XKR4: variants seen among roughly 807,000 people sequenced by gnomAD.
XKR4 encodes the protein XK related 4, also known as XK-related protein 4.
In XKR4, 12 loss-of-function variants were observed where a neutral mutation model predicts 53.9. The ratio of observed to expected loss-of-function variants is 0.22; its 90% confidence interval spans 0.14 to 0.36. XKR4 has a LOEUF of 0.36. Among genes scored for constraint, XKR4 ranks in the 10% least tolerant of loss-of-function variants. The pLI, the probability that XKR4 is intolerant of heterozygous loss-of-function variation, is 1.00. For synonymous variants in XKR4, 354 were observed against 362.4 expected, an observed-to-expected ratio of 0.98 and a Z score of 0.26; for missense variants, 799 against 859.5, an observed-to-expected ratio of 0.93 and a Z score of 0.88.
At chr8:55,137,386 T>G (rs1816645781) in intron 1 of XKR4, among the ~76,000 whole-genome samples, 1 of 152,188 alleles carries the variant, frequency 6.6e-6, no homozygotes, top group African/African-American at 2.4e-5. Flanking sequence ...ATTGAGCACC[T>G]GCTGTGATCA....
At chr8:55,156,878 A>G (rs1816915458) in intron 1 of XKR4, among the ~76,000 whole-genome samples, 2 of 152,258 alleles carry the variant, frequency 1.3e-5, no homozygotes, top group South Asian at 2.1e-4. Flanking sequence ...AACTTTCTGC[A>G]TAAACAAGTC....
At chr8:55,432,191 T>C (rs976513620) in intron 2 of XKR4, among the ~76,000 whole-genome samples, 2 of 152,194 alleles carry the variant, frequency 1.3e-5, no homozygotes, top group African/African-American at 4.8e-5. Flanking sequence ...TTATTCACTG[T>C]TGCAATGTGT....
At chr8:55,146,986 G>A (rs866306105) in intron 1 of XKR4, among the ~76,000 whole-genome samples, 3 of 152,208 alleles carry the variant, frequency 2.0e-5, no homozygotes, top group Admixed American at 1.3e-4. Context: ...GGGAAGCCAT[G>A]CAATATCCAA....
chr8:55,462,351 A>G (rs1176357041), intron 2 of XKR4, among the ~76,000 whole-genome samples: 1 of 152,214 alleles, frequency 6.6e-6, no homozygotes, highest in East Asian at 1.9e-4. Context: ...TTTTCAACCC[A>G]GAATTTCATA....
chr8:55,293,930 G>C (rs1585992630), intron 1 of XKR4, among the ~76,000 whole-genome samples: 2 of 152,102 alleles, frequency 1.3e-5, no homozygotes, highest in East Asian at 3.9e-4. Context: ...GTTTATTCCA[G>C]TTACCATCAA....
rs192617225 is a variant in XKR4, at chr8:55,478,122, A to G, written c.1007-45159A>G. Reference sequence around the variant, plus strand: ...TAATTGTCAGATTCACCAAAGTTGAAGGAAAAAATGTTAAGGGCAGCCAGA... The same window carrying G: ...TAATTGTCAGATTCACCAAAGTTGAGGGAAAAAATGTTAAGGGCAGCCAGA... On this transcript the variant is annotated intron_variant, in intron 2 of 2. Transcript: ENST00000327381. Among the ~76,000 whole-genome samples the G allele has an allele frequency of 2.0e-4, 31 of 152,262 alleles. No individual in the cohort carries two copies. The East Asian group carries it at 5.8e-3, about 28-fold the overall frequency.
intron 1 of XKR4, among the ~76,000 whole-genome samples, chr8:55,325,207 G>A (rs938337965): frequency 7.2e-5 from 11 of 152,158 alleles, no homozygotes; most frequent in African/African-American, 2.7e-4. Context: ...TAGACCATTT[G>A]GAAGATGTTA....
chr8:55,116,631 A>T (rs1294899970), intron 1 of XKR4, among the ~76,000 whole-genome samples: 1 of 152,216 alleles, frequency 6.6e-6, no homozygotes, highest in Non-Finnish European at 1.5e-5. Flanking sequence ...CTTATTTCAC[A>T]TTAAACAAGA....
At chr8:55,441,306 TAAATA>T (rs1805262696) in intron 2 of XKR4, among the ~76,000 whole-genome samples, 1 of 151,900 alleles carries the variant, frequency 6.6e-6, no homozygotes. Context: ...CAATTAAAAA[TAAATA>T]AATCACCAGG....
intron 1 of XKR4, among the ~76,000 whole-genome samples, chr8:55,155,728 C>T (rs981285713): frequency 3.3e-5 from 5 of 151,982 alleles, no homozygotes; most frequent in Non-Finnish European, 1.5e-5. Context: ...TATACCCACC[C>T]GAATCAAAAA....
At chr8:55,354,231 G>A (rs954401836) in intron 1 of XKR4, among the ~76,000 whole-genome samples, 1 of 152,176 alleles carries the variant, frequency 6.6e-6, no homozygotes, top group Admixed American at 6.5e-5. Flanking sequence ...AGAGTAGGAG[G>A]AGAGATATGG....
At chr8:55,318,651 A>G (rs1490899580) in intron 1 of XKR4, among the ~76,000 whole-genome samples, 1 of 152,186 alleles carries the variant, frequency 6.6e-6, no homozygotes, top group Admixed American at 6.5e-5. Context: ...CCCTAACATT[A>G]CAATGAATTT....
At chr8:55,379,419 G>C (rs1309849046) in intron 2 of XKR4, among the ~76,000 whole-genome samples, 1 of 152,184 alleles carries the variant, frequency 6.6e-6, no homozygotes, top group Non-Finnish European at 1.5e-5. Context: ...TCAAAGAAAT[G>C]CTCTTTTTAG....
At chr8:55,454,169 C>T (rs1805513574) in intron 2 of XKR4, 2 of 986,972 alleles carry the variant, frequency 2.0e-6, no homozygotes, top group Non-Finnish European at 3.3e-6. Context: ...TCTTAGAACA[C>T]TGTGCGTCTG....
chr8:55,451,002 A>T lies in XKR4; in HGVS notation c.1007-72279A>T, dbSNP rs113356427. 14 of 544,448 alleles carry T rather than the reference A, an allele frequency of 2.6e-5. 1 individual carries two copies. Among genetic ancestry groups the T allele is most frequent in the African/African-American group, 1.7e-4 (9 of 52,830 alleles). 33.7% of individuals were successfully genotyped at this position (544,448 alleles called of 1,614,324 possible). ...GCAGCCCAGGACACATGCCTTCAGC[A>T]GCTTTTTGAAGCTAGCCTTCACCTG... On this transcript the variant is annotated intron_variant, in intron 2 of 2. Transcript: ENST00000327381.
chr8:55,296,141 G>C (rs934524233), intron 1 of XKR4, among the ~76,000 whole-genome samples: 1 of 152,176 alleles, frequency 6.6e-6, no homozygotes, highest in Non-Finnish European at 1.5e-5. Flanking sequence ...CCTCCACCAT[G>C]TGATGTTGAA....
At chr8:55,177,224 A>G (rs755520330) in intron 1 of XKR4, among the ~76,000 whole-genome samples, 11 of 152,012 alleles carry the variant, frequency 7.2e-5, no homozygotes, top group Non-Finnish European at 1.2e-4. Flanking sequence ...TTTAGTAGAA[A>G]CAGGGTTTCA....
At chr8:55,501,559 G>A (rs1670355061) in intron 2 of XKR4, among the ~76,000 whole-genome samples, 1 of 152,020 alleles carries the variant, frequency 6.6e-6, no homozygotes, top group Non-Finnish European at 1.5e-5. Flanking sequence ...TGCCATATTT[G>A]TCTTTTTGTG....
Position 55,468,138 on chromosome 8 carries a change from T to G in XKR4, c.1007-55143T>G, listed in dbSNP as rs186507358. On this transcript the variant is annotated intron_variant, in intron 2 of 2. Transcript: ENST00000327381. ...GAGTGGGAAATCTTGTACAAAGATG[T>G]TTCTCATAATGCATTGCCCATCCAT... Among the ~76,000 whole-genome samples the G allele has an allele frequency of 3.6e-3, 543 of 152,206 alleles. 2 individuals carry two copies. The highest frequency in any genetic ancestry group is 6.3e-3 in the Non-Finnish European group (427 of 68,012).
Sources: allele counts gnomAD v4.1 joint callset (sites outside exome capture counted in the v4.1 genomes callset), GRCh38; gene constraint gnomAD v4.1.1; transcripts MANE v1.5; gene names NCBI Gene and HGNC (gene_info 2026-07-23, HGNC 2026-07-21).